SMS: variants seen among roughly 807,000 people sequenced by gnomAD.
SMS encodes spermine synthase.
SMS carries 3 observed loss-of-function variants against 33.0 expected under a neutral mutation model. The ratio of observed to expected loss-of-function variants is 0.09; its 90% CI spans 0.04 to 0.23. SMS has a LOEUF of 0.23. SMS is among the 10% of genes least tolerant of loss of function. The pLI is 1.00. For synonymous variants in SMS, 103 were observed against 112.2 expected (o/e 0.92, Z 0.52); for missense variants, 117 against 288.6 (o/e 0.41, Z 4.31).
At chrX:21,944,540 A>AAAAAAG (rs1179595474) in intron 1 of SMS, among the ~76,000 whole-genome samples, 1 of 96,801 alleles carries the variant, frequency 1.0e-5, no homozygotes, top group Non-Finnish European at 2.1e-5. Context: ...AAAAAAAAAA[A>AAAAAAG]AAAAAGAAAA....
At chrX:21,943,493 C>T (rs1176754963) in intron 1 of SMS, among the ~76,000 whole-genome samples, 2 of 111,387 alleles carry the variant, frequency 1.8e-5, no homozygotes, top group Non-Finnish European at 3.8e-5. Flanking sequence ...ACGATAAAGA[C>T]GTGTATAGAT....
chrX:21,986,115 G>A (rs1925309161), intron 9 of SMS, among the ~76,000 whole-genome samples: 1 of 110,294 alleles, frequency 9.1e-6, no homozygotes, highest in Admixed American at 9.7e-5. Context: ...TTGGGAGGCC[G>A]AGGCAGTTGG....
intron 1 of SMS, among the ~76,000 whole-genome samples, chrX:21,954,543 CTCTG>C (rs954407708): frequency 5.4e-5 from 6 of 111,833 alleles, no homozygotes; most frequent in Admixed American, 3.8e-4. Context: ...GACTTGTGTC[CTCTG>C]TCTTTCATCT....
At chrX:21,967,714 C>T (rs1336239572) in intron 2 of SMS, among the ~76,000 whole-genome samples, 1 of 112,019 alleles carries the variant, frequency 8.9e-6, no homozygotes, top group Admixed American at 9.4e-5. Context: ...ATTACAGGTA[C>T]GCACCCAGGG....
chrX:21,980,761 A>G (rs1185701690), intron 7 of SMS, among the ~76,000 whole-genome samples: 1 of 111,282 alleles, frequency 9.0e-6, no homozygotes, highest in East Asian at 2.8e-4. Flanking sequence ...TAGAAAATCC[A>G]GGAAACTTAC....
chrX:21,991,539 A>G (rs746287097), intron 9 of SMS, among the ~76,000 whole-genome samples: 1 of 112,300 alleles, frequency 8.9e-6, no homozygotes, highest in African/African-American at 3.2e-5. Flanking sequence ...TGTGAATACC[A>G]ACTTCAGAGA....
intron 1 of SMS, among the ~76,000 whole-genome samples, chrX:21,949,295 A>G (rs1239164072): frequency 8.9e-6 from 1 of 112,433 alleles, no homozygotes; most frequent in African/African-American, 3.2e-5. Flanking sequence ...GGAATGTCCA[A>G]TAAAATGTTT....
At chrX:21,976,598 A>T (rs998540577) in intron 4 of SMS, among the ~76,000 whole-genome samples, 8 of 106,570 alleles carry the variant, frequency 7.5e-5, no homozygotes, top group African/African-American at 2.1e-4. Context: ...GAAAAAAAAA[A>T]CAGGGAAATG....
At position 21,941,345 on chromosome X, in the gene SMS, C is replaced by T. The variant is rs866378882; in HGVS notation, c.49+472C>T. 6.9e-5 allele frequency: 17 copies of T among 247,786 alleles called. No homozygotes were observed. In the Middle Eastern group the frequency reaches 8.6e-3, roughly 126 times the overall value. 20.4% of individuals were successfully genotyped at this position (247,786 alleles called of 1,213,427 possible). ...GCGCCGAGCGGGGCTGCCCGCGCGA[C>T]CTTTTCCTGTTCTTGCAGGCGGGTA... On this transcript the variant is annotated intron_variant, in intron 1 of 10. Coordinates refer to ENST00000404933, the MANE Select transcript of SMS (RefSeq NM_004595.5).
At chrX:21,977,306 C>T (rs1314589747) in intron 5 of SMS, 70 bp downstream of exon 5, 1 of 946,573 alleles carries the variant, frequency 1.1e-6, no homozygotes, top group African/African-American at 1.9e-5. Flanking sequence ...GTTTTCCTGA[C>T]AATTACTACT....
chrX:21,956,783 C>T (rs779874348), intron 1 of SMS, among the ~76,000 whole-genome samples: 39 of 111,782 alleles, frequency 3.5e-4, no homozygotes, highest in Non-Finnish European at 5.5e-4. Flanking sequence ...TTAGCAGAGA[C>T]GGAGTTTCGC....
At chrX:21,964,117 G>A in intron 1 of SMS, among the ~76,000 whole-genome samples, 1 of 108,733 alleles carries the variant, frequency 9.2e-6, no homozygotes, top group Admixed American at 9.8e-5. Flanking sequence ...ACAGTTCTGG[G>A]GATATAATTC....
At chrX:21,960,115 T>C (rs776573069) in intron 1 of SMS, 21 of 141,896 alleles carry the variant, frequency 1.5e-4, no homozygotes, top group Non-Finnish European at 2.6e-4. Context: ...AGTTCTTTGG[T>C]GGCTGGGGCT....
chrX:21,985,126 G>C lies in SMS; in HGVS notation c.866-18G>C. On this transcript the variant is annotated intron_variant, in intron 8 of 10. Transcript: ENST00000404933. ...ATACAAACCCATATTTATGAAACTTGTTCTTTTAAACATTCAGATTCCACA... is the reference window on the plus strand; with the variant it reads ...ATACAAACCCATATTTATGAAACTTCTTCTTTTAAACATTCAGATTCCACA... 1.8e-6 allele frequency: 2 copies of C among 1,084,419 alleles called. No homozygotes were observed. Among genetic ancestry groups the C allele is most frequent in the Non-Finnish European group, 2.6e-6 (2 of 781,439 alleles). The allele number at this position is 1,084,419 out of a possible 1,213,427, so 89.4% of individuals were successfully genotyped here. A position where few individuals can be genotyped will look rare whatever the true frequency, so the allele number is the denominator to read the frequency against.
At chrX:21,941,504 C>A in intron 1 of SMS, 1 of 123,370 alleles carries the variant, frequency 8.1e-6, no homozygotes, top group Non-Finnish European at 1.7e-5. Context: ...AACTGGGGGA[C>A]GGGAAAAGGA....
At chrX:21,982,441 G>T (rs1002540037) in intron 7 of SMS, among the ~76,000 whole-genome samples, 1 of 111,664 alleles carries the variant, frequency 9.0e-6, no homozygotes, top group African/African-American at 3.3e-5. Flanking sequence ...TTTAGTAGAG[G>T]GGCAATATCT....
chrX:21,964,666 C>CT (rs1379336153), intron 1 of SMS, among the ~76,000 whole-genome samples: 1 of 111,810 alleles, frequency 8.9e-6, no homozygotes, highest in Non-Finnish European at 1.9e-5. Context: ...GGGTTACACT[C>CT]TGTCATCTAG....
chrX:21,974,856 CTTTTT>C (rs11347193), intron 4 of SMS, among the ~76,000 whole-genome samples: 2 of 83,265 alleles, frequency 2.4e-5, no homozygotes, highest in African/African-American at 4.3e-5. Flanking sequence ...GATTGCTATC[CTTTTT>C]TTTTTTTTTT....
chrX:21,960,226 T>G (rs1046879566), intron 1 of SMS, among the ~76,000 whole-genome samples: 8 of 110,726 alleles, frequency 7.2e-5, no homozygotes, highest in African/African-American at 2.6e-4. Context: ...TGGAGCCAGT[T>G]CTGGGAGAGA....
Sources: gnomAD v4.1 joint callset for allele counts (sites outside exome capture counted in the v4.1 genomes callset) on GRCh38, gnomAD v4.1.1 for gene constraint, MANE v1.5 for transcripts, NCBI Gene and HGNC (gene_info 2026-07-23, HGNC 2026-07-21) for gene names.